SLC14A2: variants seen among roughly 807,000 people sequenced by gnomAD.
SLC14A2 encodes the protein urea transporter 2.
A neutral mutation model predicts 104.6 loss-of-function variants in SLC14A2; 91 were observed. The ratio of observed to expected loss-of-function variants is 0.87; its 90% CI spans 0.73 to 1.04. SLC14A2 has a LOEUF of 1.04. Ranked by LOEUF, SLC14A2 falls within the 50% of genes least tolerant of loss-of-function variation. The pLI is 0.00. For synonymous variants in SLC14A2, 476 were observed against 466.4 expected (o/e 1.02, Z -0.27); for missense variants, 1,189 against 1,156.0 (o/e 1.03, Z -0.41).
Position 45,673,737 on chromosome 18 carries a change from A to G in SLC14A2, c.2432A>G (p.Asn811Ser). ...DSIYFGLCGF[N>S]STLACIAIGG... ...ATCTACTTCGGCCTGTGTGGCTTCA[A>G]CAGCACCCTCGCATGCATAGCGATA... The change falls in exon 18 of 20, where the codon AAC becomes AGC. Residue 811 changes from asparagine to serine, a missense_variant. Asn to Ser is a conservative substitution (Grantham distance 46, BLOSUM62 1). Transcript: ENST00000255226. 6.2e-7 allele frequency: 1 copy of G among 1,614,184 alleles called. No individual in the cohort carries two copies. The highest frequency in any genetic ancestry group is 8.5e-7 in the Non-Finnish European group (1 of 1,180,016).
chr18:45,470,903 G>A (rs1382163885), intron 1 of SLC14A2, among the ~76,000 whole-genome samples: 1 of 151,936 alleles, frequency 6.6e-6, no homozygotes. Context: ...TTCAACTTCT[G>A]AATTTTTTTT....
chr18:45,278,788 G>A (rs998811182), intron 1 of SLC14A2, among the ~76,000 whole-genome samples: 2 of 152,116 alleles, frequency 1.3e-5, no homozygotes, highest in African/African-American at 4.8e-5. Flanking sequence ...GTTCAAACCC[G>A]TGTTGTTCAA....
intron 1 of SLC14A2, among the ~76,000 whole-genome samples, chr18:45,436,252 G>A (rs1473413184): frequency 6.6e-6 from 1 of 152,188 alleles, no homozygotes; most frequent in African/African-American, 2.4e-5. Flanking sequence ...AGGCAATCAG[G>A]TCAATGTGCA....
chr18:45,332,476 T>A (rs1250238697), intron 1 of SLC14A2, among the ~76,000 whole-genome samples: 2 of 152,174 alleles, frequency 1.3e-5, no homozygotes, highest in East Asian at 3.9e-4. Context: ...GATTTTGGTA[T>A]CCGTGGGAGG....
intron 2 of SLC14A2, among the ~76,000 whole-genome samples, chr18:45,534,463 C>T (rs1051769589): frequency 6.6e-6 from 1 of 152,172 alleles, no homozygotes; most frequent in African/African-American, 2.4e-5. Context: ...TTCTACTATA[C>T]TGTGTAAGCA....
chr18:45,417,045 A>C (rs144172030), intron 1 of SLC14A2, among the ~76,000 whole-genome samples: 1 of 152,336 alleles, frequency 6.6e-6, no homozygotes, highest in Non-Finnish European at 1.5e-5. Context: ...AAATAATTAC[A>C]TCACAAGGAT....
chr18:45,639,049 G>A (rs989358834), intron 6 of SLC14A2, among the ~76,000 whole-genome samples: 1 of 152,230 alleles, frequency 6.6e-6, no homozygotes, highest in African/African-American at 2.4e-5. Flanking sequence ...CTCAGGCTCA[G>A]GGATGTCTGG....
chr18:45,594,225 G>T (rs1228928397), intron 2 of SLC14A2, among the ~76,000 whole-genome samples: 1 of 152,210 alleles, frequency 6.6e-6, no homozygotes, highest in Non-Finnish European at 1.5e-5. Context: ...TACAGCAGAG[G>T]ATTTGAGAAG....
chr18:45,231,108 C>T (rs949467872), intron 1 of SLC14A2, among the ~76,000 whole-genome samples: 47 of 152,304 alleles, frequency 3.1e-4, no homozygotes, highest in African/African-American at 1.1e-3. Context: ...AAGAAATTGA[C>T]GCACAGAGAA....
At chr18:45,296,164 A>G (rs759098743) in intron 1 of SLC14A2, among the ~76,000 whole-genome samples, 3 of 152,164 alleles carry the variant, frequency 2.0e-5, no homozygotes, top group Non-Finnish European at 4.4e-5. Flanking sequence ...ACCACCCATA[A>G]TGTTCAAGGC....
the SLC14A2 span, among the ~76,000 whole-genome samples, chr18:45,174,505 C>A: frequency 1.3e-5 from 2 of 152,174 alleles, no homozygotes; most frequent in South Asian, 4.1e-4. Context: ...TGAAACCCTG[C>A]TAAAGTGGAG....
intron 1 of SLC14A2, among the ~76,000 whole-genome samples, chr18:45,391,913 A>G (rs573456339): frequency 2.2e-4 from 33 of 152,322 alleles, no homozygotes; most frequent in South Asian, 4.1e-4. Flanking sequence ...TTTGCTGTGC[A>G]GAAGCTCTTT....
At chr18:45,322,340 A>G (rs1179451061) in intron 1 of SLC14A2, among the ~76,000 whole-genome samples, 1 of 152,198 alleles carries the variant, frequency 6.6e-6, no homozygotes, top group Non-Finnish European at 1.5e-5. Flanking sequence ...GACTCAGTGC[A>G]TCAATTCTTA....
chr18:45,600,318 G>A (rs575344719), intron 2 of SLC14A2, among the ~76,000 whole-genome samples: 3 of 151,874 alleles, frequency 2.0e-5, no homozygotes, highest in Non-Finnish European at 4.4e-5. Context: ...GGGAACCCAG[G>A]GGTTCCATCC....
intron 1 of SLC14A2, among the ~76,000 whole-genome samples, chr18:45,368,852 C>T (rs192001199): frequency 1.7e-3 from 255 of 152,246 alleles, no homozygotes; most frequent in African/African-American, 5.8e-3. Context: ...CCAATAAAGA[C>T]CAAAAATCTT....
chr18:45,601,707 C>T (rs1185914404), intron 2 of SLC14A2, among the ~76,000 whole-genome samples: 4 of 152,226 alleles, frequency 2.6e-5, no homozygotes, highest in African/African-American at 9.6e-5. Context: ...AAAATTCTGA[C>T]AATGCTTTTT....
chr18:45,207,650 A>C, the SLC14A2 span, among the ~76,000 whole-genome samples: 1 of 152,136 alleles, frequency 6.6e-6, no homozygotes, highest in Non-Finnish European at 1.5e-5. Context: ...AAAGAGAATA[A>C]TTTTTTGTTA....
chr18:45,588,914 G>C lies in SLC14A2; in HGVS notation c.-34-35717G>C, dbSNP rs2044607912. Among the ~76,000 whole-genome samples, 3 of 151,996 alleles carry C rather than the reference G, an allele frequency of 2.0e-5. No individual in the cohort carries two copies. The South Asian group carries it at 6.2e-4, about 32-fold the overall frequency. ...AAGCAAGGGAGTTACAGGGAGAGGT[G>C]AAAGGGAGAGGAAGGTCTGTTTAGA... On this transcript the variant is annotated intron_variant, in intron 2 of 20. Transcript: ENST00000586448.
intron 1 of SLC14A2, among the ~76,000 whole-genome samples, chr18:45,453,154 A>G (rs1568213056): frequency 6.6e-6 from 1 of 152,072 alleles, no homozygotes; most frequent in Non-Finnish European, 1.5e-5. Context: ...AGACCCACCT[A>G]CTCAGCTTCA....
Sources: gnomAD v4.1 joint callset for allele counts (sites outside exome capture counted in the v4.1 genomes callset) on GRCh38, gnomAD v4.1.1 for gene constraint, MANE v1.5 for transcripts, NCBI Gene and HGNC (gene_info 2026-07-23, HGNC 2026-07-21) for gene names.